The following PARP8 variants were observed in gnomAD, a reference collection of about 807,000 sequenced individuals.
PARP8 encodes protein mono-ADP-ribosyltransferase PARP8.
In PARP8, 51 loss-of-function variants were observed where a neutral mutation model predicts 124.1. The observed-to-expected ratio is 0.41, with a 90% CI of 0.33 to 0.52. The LOEUF (loss-of-function observed/expected upper bound fraction) is 0.52. Among genes scored for constraint, PARP8 ranks in the 20% least tolerant of loss-of-function variants. PARP8 has a pLI of 0.21. For missense variants in PARP8, 860 were observed against 1,018.9 expected, an observed-to-expected ratio of 0.84 and a Z score of 2.12; for synonymous variants, 391 against 361.5, an observed-to-expected ratio of 1.08 and a Z score of -0.93.
At chr5:50,783,414 C>G (rs1580328311) in intron 9 of PARP8, among the ~76,000 whole-genome samples, 1 of 152,146 alleles carries the variant, frequency 6.6e-6, no homozygotes, top group Non-Finnish European at 1.5e-5. Flanking sequence ...TGTGTATATC[C>G]TTGTCAAATG....
At chr5:50,787,913 A>G (rs1283347130) in intron 9 of PARP8, among the ~76,000 whole-genome samples, 5 of 150,036 alleles carry the variant, frequency 3.3e-5, no homozygotes, top group African/African-American at 1.2e-4. Context: ...ATATGTATAT[A>G]TGTTATATGT....
intron 19 of PARP8, among the ~76,000 whole-genome samples, chr5:50,827,486 A>T (rs1056348981): frequency 7.9e-5 from 12 of 152,212 alleles, no homozygotes; most frequent in African/African-American, 2.9e-4. Flanking sequence ...AATTTTATAA[A>T]TATATGCAAA....
At chr5:50,692,355 C>T (rs368981082) in intron 2 of PARP8, among the ~76,000 whole-genome samples, 1 of 151,848 alleles carries the variant, frequency 6.6e-6, no homozygotes, top group Admixed American at 6.6e-5. Flanking sequence ...GGAAGTCTTC[C>T]CTAAGACTCT....
At chr5:50,818,630 C>T (rs2149696128) in intron 15 of PARP8, among the ~76,000 whole-genome samples, 1 of 152,132 alleles carries the variant, frequency 6.6e-6, no homozygotes, top group South Asian at 2.1e-4. Flanking sequence ...CCTCCCACCC[C>T]CGCCTCCCAA....
chr5:50,778,608 G>C lies in PARP8; in HGVS notation c.628G>C (p.Val210Leu). Reference sequence around the variant, plus strand: ...AGTAATTCGAACAGAACCTATAATTGTTCGACTACACTGTTCACTTACACA... The same window carrying C: ...AGTAATTCGAACAGAACCTATAATTCTTCGACTACACTGTTCACTTACACA... ...WEVIRTEPII[V>L]RLHCSLTQYL... Residue 210 changes from valine (V) to leucine (L), a missense_variant, in exon 9 of 26, where the codon GTT becomes CTT. Coordinates refer to ENST00000281631, the MANE Select transcript of PARP8 (RefSeq NM_024615.4). 1 of 1,609,134 alleles carries C rather than the reference G, an allele frequency of 6.2e-7. No homozygotes were observed.
At chr5:50,796,957 T>C (rs1275385358) in intron 12 of PARP8, 25 bp from the exon 13 acceptor site, 3 of 1,514,980 alleles carry the variant, frequency 2.0e-6, no homozygotes, top group African/African-American at 1.4e-5. Flanking sequence ...AAAATTATCA[T>C]TTTTTTTTAC....
At chr5:50,792,838 T>C (rs1742118156) in intron 10 of PARP8, among the ~76,000 whole-genome samples, 1 of 152,174 alleles carries the variant, frequency 6.6e-6, no homozygotes, top group Admixed American at 6.5e-5. Context: ...ATGTAACTGT[T>C]TATTCTTCTG....
intron 3 of PARP8, among the ~76,000 whole-genome samples, chr5:50,750,756 A>T (rs935494200): frequency 6.6e-6 from 1 of 152,054 alleles, no homozygotes; most frequent in Admixed American, 6.6e-5. Context: ...CCTTACAATT[A>T]TTTTGCTATG....
At chr5:50,685,184 T>C (rs1751721605) in intron 2 of PARP8, among the ~76,000 whole-genome samples, 1 of 152,206 alleles carries the variant, frequency 6.6e-6, no homozygotes, top group Non-Finnish European at 1.5e-5. Flanking sequence ...CTTGTATGTC[T>C]TGACATTCCC....
At chr5:50,734,538 G>T (rs1292537669) in intron 2 of PARP8, among the ~76,000 whole-genome samples, 1 of 152,090 alleles carries the variant, frequency 6.6e-6, no homozygotes, top group Non-Finnish European at 1.5e-5. Flanking sequence ...AAATTAATTT[G>T]TCAGTAATAT....
chr5:50,683,692 A>G (rs1195387026), intron 2 of PARP8, among the ~76,000 whole-genome samples: 2 of 152,154 alleles, frequency 1.3e-5, no homozygotes, highest in Non-Finnish European at 2.9e-5. Flanking sequence ...TATTCAACAC[A>G]CTTTTGTTTT....
chr5:50,812,730 T>G (rs1236052695), intron 14 of PARP8, among the ~76,000 whole-genome samples: 4 of 151,774 alleles, frequency 2.6e-5, no homozygotes, highest in African/African-American at 7.3e-5. Context: ...GTTTTAGGTG[T>G]AGCATTTAAG....
At position 50,822,723 on chromosome 5, in the gene PARP8, G is replaced by A. The variant is rs188239765; in HGVS notation, c.1860+323G>A. On this transcript the variant is annotated intron_variant, in intron 17 of 25. Coordinates refer to ENST00000281631, the MANE Select transcript of PARP8 (RefSeq NM_024615.4). ...TCCTAGACTGTCAATTTTAATTGAT[G>A]GTAGCAATTTCAAAACATTATTTGA... Among the ~76,000 whole-genome samples, 136 of 152,146 alleles carry A rather than the reference G, an allele frequency of 8.9e-4. No individual in the cohort carries two copies. The East Asian group carries it at 0.021, about 23-fold the overall frequency.
intron 7 of PARP8, among the ~76,000 whole-genome samples, chr5:50,772,218 G>T (rs1180595543): frequency 6.6e-6 from 1 of 152,136 alleles, no homozygotes; most frequent in Admixed American, 6.5e-5. Context: ...ATTTTATTGT[G>T]TGTATGTACC....
At chr5:50,700,485 A>T (rs1753479220) in intron 2 of PARP8, among the ~76,000 whole-genome samples, 1 of 152,186 alleles carries the variant, frequency 6.6e-6, no homozygotes, top group South Asian at 2.1e-4. Context: ...CACCCAAATT[A>T]TTTACAGCCA....
intron 7 of PARP8, among the ~76,000 whole-genome samples, chr5:50,776,758 A>G (rs1228678225): frequency 6.6e-6 from 1 of 152,200 alleles, no homozygotes; most frequent in East Asian, 1.9e-4. Context: ...TCAATCATTA[A>G]AAGTTTCTTC....
chr5:50,845,224 C>T lies in PARP8; in HGVS notation c.*3156C>T, dbSNP rs1580541394. ...AATAACTGAAGGAATTTTAGCAGTA[C>T]TTTGTATAATAAAAATATTTTTTAA... On this transcript the variant is annotated 3_prime_UTR_variant, in exon 26 of 26. Coordinates refer to ENST00000281631, the MANE Select transcript of PARP8 (RefSeq NM_024615.4). The T allele has an allele frequency of 6.6e-6, 1 of 151,568 alleles. No homozygotes were observed. 9.4% of individuals were successfully genotyped at this position (151,568 alleles called of 1,614,324 possible). A position where few individuals can be genotyped will look rare whatever the true frequency, so the allele number is the denominator to read the frequency against.
intron 14 of PARP8, among the ~76,000 whole-genome samples, chr5:50,809,872 A>G (rs1456385386): frequency 6.6e-6 from 1 of 152,080 alleles, no homozygotes; most frequent in Non-Finnish European, 1.5e-5. Flanking sequence ...TTCTCTACAT[A>G]AATACATAGC....
intron 9 of PARP8, among the ~76,000 whole-genome samples, chr5:50,787,878 G>T (rs185360725): frequency 1.5e-4 from 22 of 148,986 alleles, no homozygotes; most frequent in Admixed American, 2.7e-4. Flanking sequence ...TTTAGTTACC[G>T]ATTTAAACAT....
Sources: gnomAD v4.1 joint callset for allele counts (sites outside exome capture counted in the v4.1 genomes callset) on GRCh38, gnomAD v4.1.1 for gene constraint, MANE v1.5 for transcripts, NCBI Gene and HGNC (gene_info 2026-07-23, HGNC 2026-07-21) for gene names.